AASS: variants seen among roughly 807,000 people sequenced by gnomAD.
The protein encoded by AASS is aminoadipate-semialdehyde synthase.
A neutral mutation model predicts 105.4 loss-of-function variants in AASS; 86 were observed. The observed-to-expected ratio is 0.82, with a 90% CI of 0.69 to 0.98. AASS has a LOEUF of 0.98. Among genes scored for constraint, AASS ranks in the 50% least tolerant of loss-of-function variants. The pLI is 0.00. For missense variants in AASS, 1,048 were observed against 1,143.2 expected (o/e 0.92, Z 1.20); for synonymous variants, 381 against 394.8 (o/e 0.96, Z 0.41).
chr7:122,107,950 C>CAAAAAAAAAAAAAAAAACAAAAAA (rs1794746143), intron 11 of AASS, among the ~76,000 whole-genome samples: 1 of 107,952 alleles, frequency 9.3e-6, no homozygotes, highest in Non-Finnish European at 1.9e-5. Flanking sequence ...ACCCACAACT[C>CAAAAAAAAAAAAAAAAACAAAAAA]AAAAAAAAAA....
At chr7:122,082,638 C>T (rs762182990) in intron 19 of AASS, 50 of 327,700 alleles carry the variant, frequency 1.5e-4, no homozygotes, top group Non-Finnish European at 2.4e-4. Context: ...ATGCCCACTT[C>T]GGGGCAGATA....
intron 18 of AASS, among the ~76,000 whole-genome samples, chr7:122,089,164 G>C (rs948905299): frequency 6.6e-6 from 1 of 152,092 alleles, no homozygotes; most frequent in African/African-American, 2.4e-5. Context: ...TGAAGGGCAA[G>C]AATACAAGAG....
At position 122,098,446 on chromosome 7, in the gene AASS, T is replaced by C; in HGVS notation, c.1655+4A>G. 1 of 1,611,988 alleles carries C rather than the reference T, an allele frequency of 6.2e-7. No homozygotes were observed. Among genetic ancestry groups the C allele is most frequent in the East Asian group, 2.2e-5 (1 of 44,784 alleles). The stretch of plus-strand genomic sequence containing the variant: ...ATGAAACTCATTTCTTGCCAGATAC[T>C]GACCTGATGACAAGATCCTGTTTTG... On this transcript the variant is annotated splice_donor_region_variant and intron_variant, in intron 15 of 23. Coordinates refer to ENST00000417368, the MANE Select transcript of AASS (RefSeq NM_005763.4).
chr7:122,097,829 A>T (rs1355136353), intron 15 of AASS, among the ~76,000 whole-genome samples: 1 of 152,074 alleles, frequency 6.6e-6, no homozygotes, highest in Non-Finnish European at 1.5e-5. Flanking sequence ...TTCTAAGTAC[A>T]TACCCAACAG....
chr7:122,133,623 G>A lies in AASS; in HGVS notation c.104C>T (p.Ala35Val). ...VLAVRREDVN[A>V]WERRAPLAPK... is the part of the protein sequence containing the mutation. The stretch of plus-strand genomic sequence containing the variant: ...AGCTAGCGGGGCCCTTCTCTCCCAG[G>A]CGTTCACATCCTCCCTCCGGACGGC... Residue 35 changes from alanine to valine, a missense_variant, in exon 2 of 24, where the codon GCC becomes GTC. Coordinates refer to ENST00000417368, the MANE Select transcript of AASS (RefSeq NM_005763.4). The A allele has an allele frequency of 6.2e-7, 1 of 1,614,148 alleles. No homozygotes were observed. The highest frequency in any genetic ancestry group is 1.1e-5 in the South Asian group (1 of 91,080).
rs778798520 is a variant in AASS at position 122,077,818 on chromosome 7, C to A, written c.2662+20G>T. ...GAGGTGAAACAGAAACAGGCTTACA[C>A]CTCAAATGAACAGACTTACCATCAA... On this transcript the variant is annotated intron_variant, in intron 23 of 23. Coordinates refer to ENST00000417368, the MANE Select transcript of AASS (RefSeq NM_005763.4). 1.6e-5 allele frequency: 26 copies of A among 1,614,084 alleles called. No homozygotes were observed. The highest frequency in any genetic ancestry group is 5.0e-5 in the Admixed American group (3 of 60,002).
intron 11 of AASS, among the ~76,000 whole-genome samples, chr7:122,111,988 GAAGT>G (rs1249339970): frequency 6.6e-6 from 1 of 152,130 alleles, no homozygotes; most frequent in East Asian, 1.9e-4. Flanking sequence ...GCTCAGAAAG[GAAGT>G]GAGTGCCCTG....
chr7:122,111,302 T>C (rs189068341), intron 11 of AASS, among the ~76,000 whole-genome samples: 1 of 152,158 alleles, frequency 6.6e-6, no homozygotes, highest in East Asian at 1.9e-4. Context: ...ATGGAAATTC[T>C]AGAACTGAAA....
chr7:122,101,712 A>G, intron 11 of AASS, 32 bp from the exon 12 acceptor site: 1 of 1,534,630 alleles, frequency 6.5e-7, no homozygotes, highest in Non-Finnish European at 9.0e-7. Flanking sequence ...TAAGAGATAA[A>G]TGACACTGCA....
At chr7:122,127,816 G>T (rs1028730984) in intron 3 of AASS, among the ~76,000 whole-genome samples, 1 of 151,926 alleles carries the variant, frequency 6.6e-6, no homozygotes, top group East Asian at 1.9e-4. Context: ...ATCCAGTCTC[G>T]TGGCTCTAGA....
intron 20 of AASS, 21 bp from the exon 21 acceptor site, chr7:122,079,733 A>T: frequency 6.4e-7 from 1 of 1,560,544 alleles, no homozygotes; most frequent in Non-Finnish European, 8.8e-7. Flanking sequence ...AAAGAAATAC[A>T]ATATTTCTAA....
At chr7:122,133,472 T>C (rs1562993695) in intron 2 of AASS, 45 bp downstream of exon 2, 14 of 1,592,924 alleles carry the variant, frequency 8.8e-6, no homozygotes, top group Non-Finnish European at 1.1e-5. Context: ...AATTTTCATA[T>C]GCAGGTTCAT....
Position 122,098,823 on chromosome 7 carries a change from A to T in AASS, c.1450T>A (p.Leu484Met). 4 of 1,607,628 alleles carry T rather than the reference A, an allele frequency of 2.5e-6. No individual in the cohort carries two copies. The highest frequency in any genetic ancestry group is 3.4e-6 in the Non-Finnish European group (4 of 1,177,028). ...GATATGTAGCCAGATCCAAGAACCAAAACCTTTCTCCTGGTGCCCATTGAA... is the reference window on the plus strand; with the variant it reads ...GATATGTAGCCAGATCCAAGAACCATAACCTTTCTCCTGGTGCCCATTGAA... Reference protein sequence around the residue: ...SLSMGTRRKVLVLGSGYISEP... With the variant: ...SLSMGTRRKVMVLGSGYISEP... Residue 484 changes from leucine (L) to methionine (M), a missense_variant, in exon 14 of 24, where the codon TTG becomes ATG. Transcript: ENST00000417368.
chr7:122,087,911 A>C (rs1422093831), intron 18 of AASS, among the ~76,000 whole-genome samples: 2 of 152,178 alleles, frequency 1.3e-5, no homozygotes, highest in Admixed American at 1.3e-4. Flanking sequence ...GAAGATGGAG[A>C]AATGTCAGCT....
At chr7:122,090,980 C>T (rs1389987156) in intron 18 of AASS, among the ~76,000 whole-genome samples, 6 of 152,096 alleles carry the variant, frequency 3.9e-5, no homozygotes, top group Admixed American at 3.3e-4. Flanking sequence ...ACTGTTCTCC[C>T]ATCTGTAGCT....
In AASS at chr7:122,078,965, A is replaced by G; in HGVS notation, c.2397-15T>C. 1 of 1,614,090 alleles carries G rather than the reference A, an allele frequency of 6.2e-7. No homozygotes were observed. The stretch of plus-strand genomic sequence containing the variant: ...GTAAGCCCAACCTGAAAAGCACAGG[A>G]GATGGCTGCATTAGTTCAAGTCCTA... On this transcript the variant is annotated splice_polypyrimidine_tract_variant and intron_variant, in intron 21 of 23. Transcript: ENST00000417368.
Position 122,133,502 on chromosome 7 carries a change from A to G in AASS, c.210+15T>C, listed in dbSNP as rs752799074. On this transcript the variant is annotated intron_variant, in intron 2 of 23. Coordinates refer to ENST00000417368, the MANE Select transcript of AASS (RefSeq NM_005763.4). The stretch of plus-strand genomic sequence containing the variant: ...GTTCATTTTATTCTCACATAAAAAT[A>G]TTGGAAATACTCACCTTATCATGAA... 1 of 1,613,656 alleles carries G rather than the reference A, an allele frequency of 6.2e-7. No homozygotes were observed. Among genetic ancestry groups the G allele is most frequent in the South Asian group, 1.1e-5 (1 of 91,076 alleles).
chr7:122,091,300 C>G (rs527671655), intron 18 of AASS, among the ~76,000 whole-genome samples: 274 of 152,274 alleles, frequency 1.8e-3, no homozygotes, highest in Non-Finnish European at 3.2e-3. Context: ...AGCCCCATCC[C>G]CAGTCCAGCT....
At chr7:122,093,002 C>A in intron 16 of AASS, 46 bp downstream of exon 16, 2 of 1,611,120 alleles carry the variant, frequency 1.2e-6, no homozygotes, top group Middle Eastern at 1.7e-4. Flanking sequence ...AAAATAAAAA[C>A]AATGCCATGG....
Sources: allele counts gnomAD v4.1 joint callset (sites outside exome capture counted in the v4.1 genomes callset), GRCh38; gene constraint gnomAD v4.1.1; transcripts MANE v1.5; gene names NCBI Gene and HGNC (gene_info 2026-07-23, HGNC 2026-07-21).